Variants in PPP3CA observed in about 807,000 individuals in gnomAD.
PPP3CA encodes CAM-PRP catalytic subunit.
In PPP3CA, 14 loss-of-function variants were observed where a neutral mutation model predicts 66.5. The ratio of observed to expected loss-of-function variants is 0.21; its 90% CI spans 0.14 to 0.33. The LOEUF is 0.33. Among genes scored for constraint, PPP3CA ranks in the 10% least tolerant of loss-of-function variants. The pLI, the probability that PPP3CA is intolerant of heterozygous loss-of-function variation, is 1.00. For synonymous variants in PPP3CA, 232 were observed against 226.2 expected, an observed-to-expected ratio of 1.03 and a Z score of -0.23; for missense variants, 317 against 639.5, an observed-to-expected ratio of 0.50 and a Z score of 5.44.
At chr4:101,121,683 AT>A (rs1190766450) in intron 2 of PPP3CA, among the ~76,000 whole-genome samples, 2 of 152,284 alleles carry the variant, frequency 1.3e-5, no homozygotes, top group African/African-American at 4.8e-5. Context: ...ATTAAAAAAA[AT>A]AGTCATTATT....
chr4:101,046,516 T>C (rs1010731831), intron 10 of PPP3CA, among the ~76,000 whole-genome samples: 2 of 151,994 alleles, frequency 1.3e-5, no homozygotes, highest in African/African-American at 4.8e-5. Flanking sequence ...ATATAAAAAG[T>C]ATATTTATAC....
chr4:101,129,275 T>C (rs1722348527), intron 2 of PPP3CA, among the ~76,000 whole-genome samples: 1 of 152,020 alleles, frequency 6.6e-6, no homozygotes, highest in South Asian at 2.1e-4. Flanking sequence ...AACTCCCATC[T>C]CCCTGGGACA....
At chr4:101,171,627 C>T (rs1414268441) in intron 2 of PPP3CA, among the ~76,000 whole-genome samples, 1 of 152,088 alleles carries the variant, frequency 6.6e-6, no homozygotes, top group Non-Finnish European at 1.5e-5. Flanking sequence ...GCCCAGTAGG[C>T]ATAAGGCTGG....
chr4:101,143,569 C>A (rs1482138485), intron 2 of PPP3CA, among the ~76,000 whole-genome samples: 1 of 152,162 alleles, frequency 6.6e-6, no homozygotes, highest in Non-Finnish European at 1.5e-5. Flanking sequence ...CATATTGCAC[C>A]AGTTACTTCC....
intron 1 of PPP3CA, among the ~76,000 whole-genome samples, chr4:101,299,668 C>G (rs1228522932): frequency 6.6e-6 from 1 of 152,082 alleles, no homozygotes; most frequent in East Asian, 1.9e-4. Context: ...TCCTCTAACT[C>G]TTTGGAATGC....
chr4:101,181,132 T>C (rs182333761), intron 2 of PPP3CA, among the ~76,000 whole-genome samples: 1 of 152,224 alleles, frequency 6.6e-6, no homozygotes, highest in African/African-American at 2.4e-5. Context: ...TAAAATAATA[T>C]TGGTAAGTAC....
chr4:101,307,030 A>C (rs956288216), intron 1 of PPP3CA, among the ~76,000 whole-genome samples: 1 of 152,150 alleles, frequency 6.6e-6, no homozygotes, highest in African/African-American at 2.4e-5. Context: ...TCAAGAACCA[A>C]TGCTACTGGT....
intron 1 of PPP3CA, among the ~76,000 whole-genome samples, chr4:101,298,841 CTGTG>C (rs57507050): frequency 0.036 from 5,077 of 139,888 alleles, 96 homozygotes; most frequent in East Asian, 0.077. Flanking sequence ...CAAGGGTCTA[CTGTG>C]TGTGTGTGTG....
intron 2 of PPP3CA, among the ~76,000 whole-genome samples, chr4:101,172,860 T>C (rs759359011): frequency 1.3e-5 from 2 of 152,190 alleles, no homozygotes; most frequent in Non-Finnish European, 2.9e-5. Flanking sequence ...TTAATGATCC[T>C]GTAAAAAAAG....
chr4:101,120,402 G>A (rs1013098189), intron 2 of PPP3CA, among the ~76,000 whole-genome samples: 4 of 151,966 alleles, frequency 2.6e-5, no homozygotes, highest in African/African-American at 4.8e-5. Flanking sequence ...TCAGCTTCCT[G>A]ACATCAGTGG....
chr4:101,229,279 C>T (rs188133409), intron 1 of PPP3CA, among the ~76,000 whole-genome samples: 10 of 151,254 alleles, frequency 6.6e-5, no homozygotes, highest in Non-Finnish European at 8.9e-5. Context: ...AGAAAAATGC[C>T]TTGTGGTTTT....
At chr4:101,184,831 T>C (rs1429171730) in intron 2 of PPP3CA, among the ~76,000 whole-genome samples, 1 of 152,038 alleles carries the variant, frequency 6.6e-6, no homozygotes. Flanking sequence ...CTTTAGCACT[T>C]GGAGTTAGAA....
chr4:101,343,452 G>C (rs1729881460), intron 1 of PPP3CA, among the ~76,000 whole-genome samples: 1 of 152,122 alleles, frequency 6.6e-6, no homozygotes, highest in African/African-American at 2.4e-5. Context: ...GGGTCAAGGG[G>C]AGGAAGACAG....
intron 1 of PPP3CA, among the ~76,000 whole-genome samples, chr4:101,341,564 G>A (rs1478980265): frequency 2.6e-5 from 4 of 152,078 alleles, no homozygotes; most frequent in African/African-American, 7.2e-5. Flanking sequence ...TGACTGAATC[G>A]CCATTACCAG....
chr4:101,104,061 C>T (rs1730554967), intron 3 of PPP3CA, among the ~76,000 whole-genome samples: 1 of 152,132 alleles, frequency 6.6e-6, no homozygotes, highest in African/African-American at 2.4e-5. Context: ...ATAAAATGAG[C>T]TCTGTGTACT....
chr4:101,319,908 G>A (rs939358686), intron 1 of PPP3CA, among the ~76,000 whole-genome samples: 2 of 152,114 alleles, frequency 1.3e-5, no homozygotes, highest in Admixed American at 1.3e-4. Flanking sequence ...TCATGTACAT[G>A]TAGCCTTATA....
chr4:101,195,089 G>T (rs912160761), intron 2 of PPP3CA, among the ~76,000 whole-genome samples: 2 of 151,888 alleles, frequency 1.3e-5, no homozygotes, highest in African/African-American at 4.8e-5. Context: ...CCTGGCCAAC[G>T]TGGTGAAACA....
intron 11 of PPP3CA, among the ~76,000 whole-genome samples, chr4:101,038,663 C>T (rs561742329): frequency 3.3e-5 from 5 of 152,176 alleles, no homozygotes; most frequent in East Asian, 1.9e-4. Flanking sequence ...CCACCACGCC[C>T]GGCCACTTTA....
chr4:101,107,136 A>G (rs1354932103), intron 3 of PPP3CA, among the ~76,000 whole-genome samples: 1 of 152,234 alleles, frequency 6.6e-6, no homozygotes, highest in African/African-American at 2.4e-5. Flanking sequence ...ACTTTTGCTC[A>G]CTTTAATTTC....
Sources: gnomAD v4.1 joint callset for allele counts (sites outside exome capture counted in the v4.1 genomes callset) on GRCh38, gnomAD v4.1.1 for gene constraint, MANE v1.5 for transcripts, NCBI Gene and HGNC (gene_info 2026-07-23, HGNC 2026-07-21) for gene names.